The following METTL4 variants were observed in gnomAD, a reference collection of about 807,000 sequenced individuals.
METTL4 encodes methyltransferase 4, N6-adenosine.
A neutral mutation model predicts 54.0 loss-of-function variants in METTL4; 40 were observed. That is an observed-to-expected ratio of 0.74 (90% CI 0.58 to 0.96). The LOEUF (loss-of-function observed/expected upper bound fraction) is 0.96, where lower values mean the gene tolerates loss of function less well. Among genes scored for constraint, METTL4 ranks in the 50% least tolerant of loss-of-function variants. METTL4 has a pLI of 0.00. For missense variants in METTL4, 525 were observed against 549.0 expected (o/e 0.96, Z 0.44); for synonymous variants, 169 against 183.8 (o/e 0.92, Z 0.65).
chr18:2,550,051 T>C (rs1381579049), intron 5 of METTL4, among the ~76,000 whole-genome samples: 1 of 151,926 alleles, frequency 6.6e-6, no homozygotes, highest in Admixed American at 6.6e-5. Context: ...AATTCAGATC[T>C]CAAGCACCCA....
chr18:2,537,600 A>G lies in METTL4; in HGVS notation c.*1400T>C. 2 of 316,902 alleles carry G rather than the reference A, an allele frequency of 6.3e-6. No homozygotes were observed. Among genetic ancestry groups the G allele is most frequent in the Middle Eastern group, 1.7e-3 (2 of 1,170 alleles). 19.6% of individuals were successfully genotyped at this position (316,902 alleles called of 1,614,324 possible). On this transcript the variant is annotated 3_prime_UTR_variant, in exon 9 of 9. Transcript: ENST00000574538. ...AACAAGTTAGAATAGCTCCATAAAT[A>G]CAAAATTAAGCCTCTGATACTATAC...
At chr18:2,541,017 G>C (rs1017962174) in intron 8 of METTL4, among the ~76,000 whole-genome samples, 2 of 152,134 alleles carry the variant, frequency 1.3e-5, no homozygotes, top group African/African-American at 4.8e-5. Flanking sequence ...CCAGGTACTT[G>C]GATGGAGTGG....
intron 3 of METTL4, among the ~76,000 whole-genome samples, chr18:2,557,365 C>T (rs540329826): frequency 9.7e-4 from 147 of 152,148 alleles, no homozygotes; most frequent in African/African-American, 3.1e-3. Flanking sequence ...AAGAATAGTG[C>T]CTGTTTCCAC....
intron 6 of METTL4, among the ~76,000 whole-genome samples, chr18:2,546,090 T>C (rs2072065742): frequency 6.6e-6 from 1 of 152,016 alleles, no homozygotes; most frequent in Admixed American, 6.6e-5. Flanking sequence ...CTATACCAAA[T>C]CAACCAACAC....
chr18:2,556,846 G>A (rs1243199685), intron 3 of METTL4, among the ~76,000 whole-genome samples: 2 of 152,016 alleles, frequency 1.3e-5, no homozygotes, highest in African/African-American at 2.4e-5. Flanking sequence ...GGTCAGGGGA[G>A]GAGGAAGAAG....
intron 3 of METTL4, among the ~76,000 whole-genome samples, chr18:2,563,587 T>G (rs1218520804): frequency 1.3e-4 from 14 of 104,178 alleles, no homozygotes; most frequent in African/African-American, 5.6e-4. Context: ...GGCAACAGAA[T>G]GAGACTCTGC....
At chr18:2,558,846 A>T (rs1263001349) in intron 3 of METTL4, among the ~76,000 whole-genome samples, 2 of 152,194 alleles carry the variant, frequency 1.3e-5, no homozygotes, top group African/African-American at 4.8e-5. Flanking sequence ...AAGAAAATAT[A>T]CAAATGGCCA....
intron 3 of METTL4, 75 bp downstream of exon 3, chr18:2,563,722 T>C: frequency 9.4e-7 from 1 of 1,067,494 alleles, no homozygotes; most frequent in Non-Finnish European, 1.4e-6. Context: ...AAAAAATCCT[T>C]ATTTATGTTG....
intron 5 of METTL4, among the ~76,000 whole-genome samples, chr18:2,550,936 G>C (rs552483729): frequency 6.6e-6 from 1 of 151,578 alleles, no homozygotes; most frequent in Non-Finnish European, 1.5e-5. Flanking sequence ...AGGCCGAGGC[G>C]GGCGGATCAC....
chr18:2,557,116 T>C (rs1401812116), intron 3 of METTL4, among the ~76,000 whole-genome samples: 1 of 151,808 alleles, frequency 6.6e-6, no homozygotes, highest in African/African-American at 2.4e-5. Flanking sequence ...CCTGGAAGAA[T>C]CCCTGAGTTG....
intron 5 of METTL4, among the ~76,000 whole-genome samples, chr18:2,547,911 A>G (rs2072096205): frequency 6.6e-6 from 1 of 152,160 alleles, no homozygotes; most frequent in East Asian, 1.9e-4. Context: ...GTCTCTCAAT[A>G]ACCTAAGTCA....
At chr18:2,545,384 G>A (rs576227382) in intron 6 of METTL4, among the ~76,000 whole-genome samples, 1 of 151,996 alleles carries the variant, frequency 6.6e-6, no homozygotes, top group East Asian at 1.9e-4. Flanking sequence ...ATAATAACAC[G>A]TTTCCCTTTA....
At chr18:2,563,686 G>T in intron 3 of METTL4, 111 bp downstream of exon 3, 2 of 591,928 alleles carry the variant, frequency 3.4e-6, no homozygotes, top group Non-Finnish European at 5.7e-6. Context: ...TGCTAAGCCT[G>T]ATCAAAATGA....
chr18:2,561,574 T>C, intron 3 of METTL4: 1 of 152,156 alleles, frequency 6.6e-6, no homozygotes, highest in African/African-American at 2.4e-5. Flanking sequence ...AAAATTTATA[T>C]GGGGAAAGAA....
chr18:2,550,980 T>C (rs554903372), intron 5 of METTL4, among the ~76,000 whole-genome samples: 33 of 150,334 alleles, frequency 2.2e-4, no homozygotes, highest in East Asian at 1.9e-3. Flanking sequence ...CTGGCTAACA[T>C]GGTGAAACCC....
chr18:2,557,341 T>TATCA (rs1366283875), intron 3 of METTL4, among the ~76,000 whole-genome samples: 1 of 152,156 alleles, frequency 6.6e-6, no homozygotes, highest in African/African-American at 2.4e-5. Flanking sequence ...AAGTATCTGA[T>TATCA]GCTCCCTAGG....
At position 2,540,214 on chromosome 18, in the gene METTL4, G is replaced by A. The variant is rs571723528; in HGVS notation, c.1274-1069C>T. On this transcript the variant is annotated intron_variant, in intron 8 of 8. Transcript: ENST00000574538. ...TGAAAAGCACATGTTCACTCAATTG[G>A]ATGACAAATACTTAAATCAATTTAA... is the stretch of plus-strand genomic sequence containing the variant. 1,200 of 985,128 alleles carry A rather than the reference G, an allele frequency of 1.2e-3. 2 individuals carry two copies. Among genetic ancestry groups the A allele is most frequent in the Non-Finnish European group, 1.4e-3 (1,159 of 829,678 alleles). The allele number at this position is 985,128 out of a possible 1,614,324, so 61.0% of individuals were successfully genotyped here.
At position 2,559,447 on chromosome 18, in the gene METTL4, G is replaced by A. The variant is rs1054790246; in HGVS notation, c.459+4350C>T. 2.2e-4 allele frequency among the ~76,000 whole-genome samples: 33 copies of A among 147,396 alleles called. 1 individual carries two copies. The highest frequency in any genetic ancestry group is 7.9e-4 in the African/African-American group (32 of 40,428). On this transcript the variant is annotated intron_variant, in intron 3 of 8. Coordinates refer to ENST00000574538, the MANE Select transcript of METTL4 (RefSeq NM_022840.5). ...ACTAGTTACCAGGCAGCAGGGGAAGGGGGAGTGGGGAGTTACTATTTAATG... is the reference window on the plus strand; with the variant it reads ...ACTAGTTACCAGGCAGCAGGGGAAGAGGGAGTGGGGAGTTACTATTTAATG...
chr18:2,563,177 TA>T (rs1161469058), intron 3 of METTL4, among the ~76,000 whole-genome samples: 2 of 152,254 alleles, frequency 1.3e-5, no homozygotes, highest in East Asian at 3.8e-4. Context: ...ACTCTCTTAA[TA>T]TATTGTTTTA....
Sources: allele counts gnomAD v4.1 joint callset (sites outside exome capture counted in the v4.1 genomes callset), GRCh38; gene constraint gnomAD v4.1.1; transcripts MANE v1.5; gene names NCBI Gene and HGNC (gene_info 2026-07-23, HGNC 2026-07-21).